Variants in DOCK3 observed in about 807,000 individuals in gnomAD.
DOCK3 encodes dedicator of cytokinesis 3, also known as dedicator of cytokinesis protein 3.
Under a neutral mutation model 265.6 loss-of-function variants are expected in DOCK3, and 60 were observed. The ratio of observed to expected loss-of-function variants is 0.23; its 90% CI spans 0.18 to 0.28. The LOEUF (loss-of-function observed/expected upper bound fraction) is 0.28. Among genes scored for constraint, DOCK3 ranks in the 10% least tolerant of loss-of-function variants. DOCK3 has a pLI of 1.00. For synonymous variants in DOCK3, 881 were observed against 938.0 expected, an observed-to-expected ratio of 0.94 and a Z score of 1.11; for missense variants, 1,981 against 2,594.3, an observed-to-expected ratio of 0.76 and a Z score of 5.14.
intron 27 of DOCK3, among the ~76,000 whole-genome samples, chr3:51,297,968 A>G (rs2082188193): frequency 6.6e-6 from 1 of 152,238 alleles, no homozygotes; most frequent in East Asian, 1.9e-4. Flanking sequence ...CCTGGGCAAC[A>G]GAGTGAGACC....
At chr3:51,119,912 T>TC (rs1192742566) in intron 9 of DOCK3, among the ~76,000 whole-genome samples, 1 of 152,070 alleles carries the variant, frequency 6.6e-6, no homozygotes, top group African/African-American at 2.4e-5. Flanking sequence ...TAGAACATGC[T>TC]CCTTTAGCTT....
At chr3:50,914,439 C>T (rs926308874) in intron 4 of DOCK3, among the ~76,000 whole-genome samples, 1 of 152,080 alleles carries the variant, frequency 6.6e-6, no homozygotes, top group African/African-American at 2.4e-5. Flanking sequence ...TTTTATTCTT[C>T]ACTTTTTCAT....
intron 6 of DOCK3, among the ~76,000 whole-genome samples, chr3:51,070,190 T>A (rs1276246135): frequency 6.6e-6 from 1 of 152,232 alleles, no homozygotes; most frequent in East Asian, 1.9e-4. Flanking sequence ...TAAAGTGGAT[T>A]TGTTTTCATG....
chr3:51,182,225 G>T (rs2087341716), intron 12 of DOCK3, among the ~76,000 whole-genome samples: 1 of 152,120 alleles, frequency 6.6e-6, no homozygotes, highest in Non-Finnish European at 1.5e-5. Flanking sequence ...TCGGGCAAGG[G>T]TTTTAGTCTC....
At chr3:51,104,693 TATAATCTGAGAAAAATATATAAACAACA>T (rs543199268) in intron 9 of DOCK3, among the ~76,000 whole-genome samples, 42 of 152,328 alleles carry the variant, frequency 2.8e-4, no homozygotes, top group African/African-American at 9.6e-4. Flanking sequence ...AGTAAACACT[TATAATCTGAGAAAAATATATAAACAACA>T]ATGAAGAGTT....
rs999182962 is a variant in DOCK3 at position 51,284,165 on chromosome 3, C to G, written c.2922+3961C>G. Among the ~76,000 whole-genome samples the G allele has an allele frequency of 3.3e-5, 5 of 152,274 alleles. No individual in the cohort carries two copies. In the South Asian group the frequency reaches 1.0e-3, roughly 32 times the overall value. Reference sequence around the variant, plus strand: ...TTGAGTGCTCCAACTTTTACAGCTTCTACCCGAAGGACTGCATCCTAAACC... The same window carrying G: ...TTGAGTGCTCCAACTTTTACAGCTTGTACCCGAAGGACTGCATCCTAAACC... On this transcript the variant is annotated intron_variant, in intron 27 of 52. Coordinates refer to ENST00000266037, the MANE Select transcript of DOCK3 (RefSeq NM_004947.5).
At chr3:50,730,808 G>T (rs2038154401) in intron 1 of DOCK3, among the ~76,000 whole-genome samples, 1 of 151,212 alleles carries the variant, frequency 6.6e-6, no homozygotes, top group Admixed American at 6.6e-5. Flanking sequence ...GCCAGCCTGG[G>T]TTACAAAGCG....
chr3:51,200,881 C>A (rs1175462932), intron 12 of DOCK3, among the ~76,000 whole-genome samples: 12 of 151,742 alleles, frequency 7.9e-5, no homozygotes, highest in Admixed American at 3.3e-4. Flanking sequence ...AACATTCTTA[C>A]CGAAAAGAAT....
intron 1 of DOCK3, among the ~76,000 whole-genome samples, chr3:50,761,811 A>G (rs1162919760): frequency 6.6e-6 from 1 of 152,210 alleles, no homozygotes; most frequent in African/African-American, 2.4e-5. Flanking sequence ...ATGCACATGT[A>G]TGTTTATTGT....
Position 51,208,867 on chromosome 3 carries a change from G to T in DOCK3, c.1126+5G>T. 6.2e-7 allele frequency: 1 copy of T among 1,607,474 alleles called. No individual in the cohort carries two copies. Among genetic ancestry groups the T allele is most frequent in the South Asian group, 1.1e-5 (1 of 89,384 alleles). ...CTGCCCCCAGCGCCAGCCATGGTGA[G>T]ATACTTCTCTGACTAGAACATTTTG... On this transcript the variant is annotated splice_donor_5th_base_variant and intron_variant, in intron 13 of 52. Coordinates refer to ENST00000266037, the MANE Select transcript of DOCK3 (RefSeq NM_004947.5).
At chr3:51,253,047 A>G (rs990430179) in intron 22 of DOCK3, among the ~76,000 whole-genome samples, 1 of 152,128 alleles carries the variant, frequency 6.6e-6, no homozygotes, top group African/African-American at 2.4e-5. Flanking sequence ...ATCAATACCT[A>G]GTTTGTTGAG....
At chr3:50,744,974 A>G (rs1361215470) in intron 1 of DOCK3, among the ~76,000 whole-genome samples, 1 of 152,180 alleles carries the variant, frequency 6.6e-6, no homozygotes, top group Non-Finnish European at 1.5e-5. Flanking sequence ...ATTTTGTAGT[A>G]AGCTTTGAAA....
At chr3:51,127,953 G>A (rs777370747) in intron 9 of DOCK3, among the ~76,000 whole-genome samples, 4 of 152,100 alleles carry the variant, frequency 2.6e-5, no homozygotes, top group Non-Finnish European at 5.9e-5. Flanking sequence ...CCTTACTTCC[G>A]TTGTGGAGCA....
chr3:50,789,375 A>T (rs2042348389), intron 2 of DOCK3, among the ~76,000 whole-genome samples: 7 of 152,130 alleles, frequency 4.6e-5, no homozygotes, highest in Admixed American at 4.6e-4. Flanking sequence ...AAATTTATAG[A>T]GAGTTGTTTT....
chr3:51,197,115 C>A (rs1440795386), intron 12 of DOCK3, among the ~76,000 whole-genome samples: 1 of 152,188 alleles, frequency 6.6e-6, no homozygotes, highest in Non-Finnish European at 1.5e-5. Context: ...TGTATGATTT[C>A]TTTGGCTGTA....
chr3:51,360,471 A>G lies in DOCK3; in HGVS notation c.4885-40A>G, dbSNP rs762709371. On this transcript the variant is annotated intron_variant, in intron 46 of 52. Transcript: ENST00000266037. Reference sequence around the variant, plus strand: ...CCTCACATCCCTTAGTTACTTATTTATTCTTTACTCTCTATGAAGGGGCAT... The same window carrying G: ...CCTCACATCCCTTAGTTACTTATTTGTTCTTTACTCTCTATGAAGGGGCAT... 97 of 1,585,844 alleles carry G rather than the reference A, an allele frequency of 6.1e-5. No homozygotes were observed. In the Admixed American group the frequency reaches 7.0e-4, roughly 11 times the overall value.
intron 37 of DOCK3, among the ~76,000 whole-genome samples, chr3:51,340,768 G>C (rs939090809): frequency 6.6e-6 from 1 of 152,164 alleles, no homozygotes; most frequent in Non-Finnish European, 1.5e-5. Context: ...TCCACACATA[G>C]AGTAAGATGT....
chr3:50,740,719 G>A (rs1383702907), intron 1 of DOCK3, among the ~76,000 whole-genome samples: 3 of 152,052 alleles, frequency 2.0e-5, no homozygotes, highest in African/African-American at 7.2e-5. Context: ...TAAAGTTGTT[G>A]TAGTATGGAA....
rs2110347915 is a variant in DOCK3, at chr3:51,361,790, T to C, written c.5007-69T>C. The C allele has an allele frequency of 6.4e-7, 1 of 1,552,590 alleles. No individual in the cohort carries two copies. Among genetic ancestry groups the C allele is most frequent in the Admixed American group, 1.9e-5 (1 of 53,566 alleles). On this transcript the variant is annotated intron_variant, in intron 47 of 52. Coordinates refer to ENST00000266037, the MANE Select transcript of DOCK3 (RefSeq NM_004947.5). The surrounding 1 kb of genome is among the most constrained non-coding windows in gnomAD (Gnocchi z 4.2). Reference sequence around the variant, plus strand: ...AACCAGGGATGACTATTCCACACATTCCGCTCTACTGTCCCCCTGCCACCT... The same window carrying C: ...AACCAGGGATGACTATTCCACACATCCCGCTCTACTGTCCCCCTGCCACCT...
Sources: gnomAD v4.1 joint callset for allele counts (sites outside exome capture counted in the v4.1 genomes callset) on GRCh38, gnomAD v4.1.1 for gene constraint, Gnocchi (gnomAD v3.1) non-coding constraint, MANE v1.5 for transcripts, NCBI Gene and HGNC (gene_info 2026-07-23, HGNC 2026-07-21) for gene names.